The following PTN variants were observed in gnomAD, a reference collection of about 807,000 sequenced individuals.
The protein encoded by PTN is pleiotrophin.
Under a neutral mutation model 24.1 loss-of-function variants are expected in PTN, and 18 were observed. That is an observed-to-expected ratio of 0.75 (90% CI 0.52 to 1.11). PTN has a LOEUF of 1.11. Among genes scored for constraint, PTN ranks in the 50% least tolerant of loss-of-function variants. PTN has a pLI of 0.00. For missense variants in PTN, 163 were observed against 198.8 expected, an observed-to-expected ratio of 0.82 and a Z score of 1.08; for synonymous variants, 78 against 68.6, an observed-to-expected ratio of 1.14 and a Z score of -0.67.
At chr7:137,251,584 C>T (rs372764837) in intron 3 of PTN, among the ~76,000 whole-genome samples, 193 bp from the exon 4 acceptor site, 8 of 151,286 alleles carry the variant, frequency 5.3e-5, no homozygotes, top group African/African-American at 1.5e-4. Flanking sequence ...TAGATGCATA[C>T]GATCACCATC....
chr7:137,251,972 T>G (rs1022125393), intron 3 of PTN, among the ~76,000 whole-genome samples: 1 of 151,922 alleles, frequency 6.6e-6, no homozygotes, highest in Non-Finnish European at 1.5e-5. Flanking sequence ...CTTGGGTTAC[T>G]ACAAATAGAA....
At chr7:137,314,615 G>C (rs1407033245) in intron 1 of PTN, among the ~76,000 whole-genome samples, 1 of 71,496 alleles carries the variant, frequency 1.4e-5, no homozygotes, top group East Asian at 3.8e-4. Flanking sequence ...TTTTTTTTTA[G>C]AGAGTCTCGC....
chr7:137,324,612 C>T (rs939566451), intron 1 of PTN: 1 of 151,524 alleles, frequency 6.6e-6, no homozygotes, highest in Non-Finnish European at 1.5e-5. Context: ...GCCAAATAAT[C>T]TACACACAGA....
chr7:137,264,237 T>C (rs547928146), intron 1 of PTN, among the ~76,000 whole-genome samples: 3 of 152,156 alleles, frequency 2.0e-5, no homozygotes, highest in African/African-American at 7.2e-5. Context: ...AATAGCATTA[T>C]GCAAACAAGT....
intron 1 of PTN, among the ~76,000 whole-genome samples, chr7:137,262,544 A>G (rs1809060254): frequency 6.6e-6 from 1 of 152,040 alleles, no homozygotes; most frequent in African/African-American, 2.4e-5. Context: ...AAAACCCCTC[A>G]GACACCGAGA....
At chr7:137,289,751 G>A (rs1181685801) in intron 1 of PTN, among the ~76,000 whole-genome samples, 1 of 152,092 alleles carries the variant, frequency 6.6e-6, no homozygotes, top group African/African-American at 2.4e-5. Flanking sequence ...TATGGCTGAT[G>A]ATCTGAATCA....
chr7:137,256,938 G>A (rs1808937548), intron 1 of PTN, among the ~76,000 whole-genome samples: 1 of 152,084 alleles, frequency 6.6e-6, no homozygotes, highest in Admixed American at 6.5e-5. Context: ...TTAGAGAAAT[G>A]CAAATCAAAA....
chr7:137,305,392 G>T (rs1173851919), intron 1 of PTN, among the ~76,000 whole-genome samples: 1 of 151,982 alleles, frequency 6.6e-6, no homozygotes, highest in African/African-American at 2.4e-5. Context: ...GATCAAATAT[G>T]GCAGGGCAAG....
intron 1 of PTN, among the ~76,000 whole-genome samples, chr7:137,270,801 A>T (rs1283173875): frequency 6.6e-6 from 1 of 152,200 alleles, no homozygotes; most frequent in Non-Finnish European, 1.5e-5. Flanking sequence ...AATTTGTGAC[A>T]AGAAAATTAA....
intron 4 of PTN, among the ~76,000 whole-genome samples, chr7:137,234,173 G>T (rs1808480132): frequency 6.6e-6 from 1 of 151,764 alleles, no homozygotes; most frequent in Non-Finnish European, 1.5e-5. Context: ...ACTTTGAAAT[G>T]TGACCAAGTA....
chr7:137,278,945 C>CAATAATAATAATAATAATAATAAT (rs59932923), intron 1 of PTN, among the ~76,000 whole-genome samples: 1 of 134,288 alleles, frequency 7.4e-6, no homozygotes, highest in Non-Finnish European at 1.5e-5. Context: ...CATCTCAGAA[C>CAATAATAATAATAATAATAATAAT]AATAATAATA....
At position 137,254,816 on chromosome 7, in the gene PTN, A is replaced by T. The variant is rs774483255; in HGVS notation, c.115+43T>A. 5 of 1,352,986 alleles carry T rather than the reference A, an allele frequency of 3.7e-6. No individual in the cohort carries two copies. In the East Asian group the frequency reaches 9.4e-5, roughly 25 times the overall value. The allele number at this position is 1,352,986 out of a possible 1,614,324, so 83.8% of individuals were successfully genotyped here. A position where few individuals can be genotyped will look rare whatever the true frequency, so the allele number is the denominator to read the frequency against. Reference sequence around the variant, plus strand: ...AAGCAGGTAATTAGACTAGATGGACATTAATCAATGAAGCATCTTGCCTTC... The same window carrying T: ...AAGCAGGTAATTAGACTAGATGGACTTTAATCAATGAAGCATCTTGCCTTC... On this transcript the variant is annotated intron_variant, in intron 2 of 4. Transcript: ENST00000348225.
intron 1 of PTN, among the ~76,000 whole-genome samples, chr7:137,257,742 A>G (rs1808959728): frequency 6.6e-6 from 1 of 152,236 alleles, no homozygotes; most frequent in Non-Finnish European, 1.5e-5. Context: ...AGTTACTTAC[A>G]AATATCAGAA....
chr7:137,328,643 T>C (rs1438327632), intron 1 of PTN, among the ~76,000 whole-genome samples: 1 of 152,154 alleles, frequency 6.6e-6, no homozygotes, highest in Non-Finnish European at 1.5e-5. Flanking sequence ...AGTCAGGTGA[T>C]GGCAGGCTGG....
chr7:137,326,232 G>C (rs1489148847), intron 1 of PTN: 1 of 152,136 alleles, frequency 6.6e-6, no homozygotes, highest in Non-Finnish European at 1.5e-5. Flanking sequence ...CGTAGTTCAT[G>C]CTCAGTTCTT....
intron 4 of PTN, among the ~76,000 whole-genome samples, chr7:137,249,500 G>C (rs1808784671): frequency 6.6e-6 from 1 of 152,154 alleles, no homozygotes; most frequent in South Asian, 2.1e-4. Context: ...ATTCTAATGT[G>C]AAGCCCAGGT....
At position 137,235,950 on chromosome 7, in the gene PTN, C is replaced by A. The variant is rs181335286; in HGVS notation, c.452-7875G>T. On this transcript the variant is annotated intron_variant, in intron 4 of 4. Transcript: ENST00000348225. ...AGACAATTTCAGGAACCTGTTTTGT[C>A]CCCCCCACTCACTTTGGGAGGCGGC... Among the ~76,000 whole-genome samples, 11 of 152,090 alleles carry A rather than the reference C, an allele frequency of 7.2e-5. No individual in the cohort carries two copies. In the East Asian group the frequency reaches 9.7e-4, roughly 13 times the overall value.
At chr7:137,258,925 A>C (rs866802494) in intron 1 of PTN, among the ~76,000 whole-genome samples, 5 of 152,076 alleles carry the variant, frequency 3.3e-5, no homozygotes, top group Admixed American at 2.6e-4. Context: ...GGGAAAATAA[A>C]ATAGTGCGAG....
intron 1 of PTN, among the ~76,000 whole-genome samples, chr7:137,304,951 G>A (rs1023621231): frequency 1.9e-4 from 29 of 151,928 alleles, no homozygotes; most frequent in African/African-American, 5.8e-4. Flanking sequence ...AAGTTATAGC[G>A]GCCGTATTAT....
Sources: allele counts gnomAD v4.1 joint callset (sites outside exome capture counted in the v4.1 genomes callset), GRCh38; gene constraint gnomAD v4.1.1; transcripts MANE v1.5; gene names NCBI Gene and HGNC (gene_info 2026-07-23, HGNC 2026-07-21).